The following DCDC1 variants were observed in gnomAD, a reference collection of about 807,000 sequenced individuals.
DCDC1 encodes the protein doublecortin domain-containing protein 1.
DCDC1 carries 200 observed loss-of-function variants against 178.3 expected under a neutral mutation model. That is an observed-to-expected ratio of 1.12 (90% CI 1.00 to 1.26). The LOEUF is 1.26. Ranked by LOEUF, DCDC1 falls within the 50% of genes most tolerant of loss-of-function variation. The pLI, the probability that DCDC1 is intolerant of heterozygous loss-of-function variation, is 0.00. For missense variants in DCDC1, 1,983 were observed against 1,749.2 expected (o/e 1.13, Z -2.38); for synonymous variants, 690 against 604.8 (o/e 1.14, Z -2.07).
In DCDC1 at chr11:31,037,428, CTTTCT is replaced by C. The variant is rs1199239419; in HGVS notation, c.2591+27036_2591+27040del. ...AAAATTGGCCTGCCTCTAAATATTTCTTTCTTTTTTTTTTTTTTTTTTGAGAAGGA... is the reference window on the plus strand; with the variant it reads ...AAAATTGGCCTGCCTCTAAATATTTCTTTTTTTTTTTTTTTTTGAGAAGGA... On this transcript the variant is annotated intron_variant, in intron 20 of 38. Transcript: ENST00000684477. Among the ~76,000 whole-genome samples, 113 of 44,892 alleles carry C rather than the reference CTTTCT, an allele frequency of 2.5e-3. 2 individuals carry two copies. The highest frequency in any genetic ancestry group is 0.023 in the Middle Eastern group (1 of 44). 29.5% of individuals were successfully genotyped at this position (44,892 alleles called of 152,430 possible). A position where few individuals can be genotyped will look rare whatever the true frequency, so the allele number is the denominator to read the frequency against.
rs535595992 is a variant in DCDC1, at chr11:31,274,559, T to C, written c.961-8959A>G. Among the ~76,000 whole-genome samples, 8 of 151,358 alleles carry C rather than the reference T, an allele frequency of 5.3e-5. No homozygotes were observed. In the South Asian group the frequency reaches 8.6e-4, roughly 16 times the overall value. ...GAACATAGCATATGAAAAGGCTCCA[T>C]GGCAGAGCAAGCAGGATGTATTCCA... On this transcript the variant is annotated intron_variant, in intron 7 of 38. Coordinates refer to ENST00000684477, the MANE Select transcript of DCDC1 (RefSeq NM_001387274.1).
At chr11:31,290,556 G>T in intron 7 of DCDC1, 91 bp downstream of exon 7, 1 of 1,277,552 alleles carries the variant, frequency 7.8e-7, no homozygotes, top group Non-Finnish European at 1.1e-6. Context: ...CTATTTGTTG[G>T]CATCGATATT....
chr11:31,101,640 A>C (rs537307070), intron 15 of DCDC1, among the ~76,000 whole-genome samples: 1 of 152,358 alleles, frequency 6.6e-6, no homozygotes, highest in South Asian at 2.1e-4. Context: ...ATCAGGTATA[A>C]GTTTTTCAAG....
intron 26 of DCDC1, among the ~76,000 whole-genome samples, chr11:30,916,340 A>C (rs891296240): frequency 4.6e-5 from 7 of 152,348 alleles, no homozygotes; most frequent in Admixed American, 4.6e-4. Context: ...GCCTAGTGCT[A>C]AATGTTGAAG....
intron 6 of DCDC1, among the ~76,000 whole-genome samples, chr11:31,303,511 CAG>C (rs1209572447): frequency 6.6e-6 from 1 of 152,026 alleles, no homozygotes; most frequent in Non-Finnish European, 1.5e-5. Flanking sequence ...ATCTGTAAAA[CAG>C]ATGACAGAAA....
intron 9 of DCDC1, among the ~76,000 whole-genome samples, chr11:31,153,723 C>T (rs914189630): frequency 4.0e-5 from 6 of 150,912 alleles, no homozygotes; most frequent in African/African-American, 1.5e-4. Context: ...GCAGAGGTTG[C>T]AGTGTGCTGA....
intron 8 of DCDC1, among the ~76,000 whole-genome samples, chr11:31,252,507 A>G (rs1398551894): frequency 2.6e-5 from 4 of 152,124 alleles, no homozygotes; most frequent in East Asian, 1.9e-4. Context: ...TAATAATGCA[A>G]TTTTAGGTAA....
At chr11:30,876,465 C>T (rs896610702) in intron 38 of DCDC1, among the ~76,000 whole-genome samples, 3 of 152,176 alleles carry the variant, frequency 2.0e-5, no homozygotes, top group African/African-American at 7.2e-5. Context: ...ATACCCAGGG[C>T]TAGCTGTCAT....
intron 20 of DCDC1, among the ~76,000 whole-genome samples, chr11:31,021,513 A>G (rs1378779051): frequency 6.6e-6 from 1 of 152,150 alleles, no homozygotes; most frequent in Non-Finnish European, 1.5e-5. Flanking sequence ...TGCAAAGGGA[A>G]TGAATGGGAA....
At chr11:31,192,021 T>G in intron 9 of DCDC1, among the ~76,000 whole-genome samples, 1 of 152,190 alleles carries the variant, frequency 6.6e-6, no homozygotes, top group South Asian at 2.1e-4. Context: ...AATGGCACAA[T>G]CTTATCATAC....
At chr11:31,070,490 C>T (rs1370415772) in intron 18 of DCDC1, among the ~76,000 whole-genome samples, 4 of 152,140 alleles carry the variant, frequency 2.6e-5, no homozygotes, top group Non-Finnish European at 5.9e-5. Context: ...AAGCCCATCT[C>T]TAATCACATA....
At chr11:30,867,379 G>T (rs77428347) in intron 38 of DCDC1, among the ~76,000 whole-genome samples, 1,836 of 152,280 alleles carry the variant, frequency 0.012, 30 homozygotes, top group African/African-American at 0.041. Flanking sequence ...TCTGTAAAAT[G>T]TAAAAGTAGT....
chr11:31,196,757 A>G (rs771965988), intron 9 of DCDC1, among the ~76,000 whole-genome samples: 8 of 152,042 alleles, frequency 5.3e-5, no homozygotes, highest in Non-Finnish European at 1.2e-4. Flanking sequence ...TTCTTTACAT[A>G]GGCATGTTGG....
chr11:31,268,299 A>G (rs1353796747), intron 7 of DCDC1, among the ~76,000 whole-genome samples: 1 of 152,200 alleles, frequency 6.6e-6, no homozygotes, highest in Non-Finnish European at 1.5e-5. Context: ...CATTTACTTC[A>G]ACCAAAATTT....
At chr11:31,341,393 A>AGATT (rs1485639975) in intron 1 of DCDC1, among the ~76,000 whole-genome samples, 2 of 132,826 alleles carry the variant, frequency 1.5e-5, no homozygotes, top group African/African-American at 5.7e-5. Flanking sequence ...ATAGATAGAT[A>AGATT]GATAGATAGA....
At chr11:31,084,924 G>A (rs1957381027) in intron 17 of DCDC1, among the ~76,000 whole-genome samples, 2 of 146,804 alleles carry the variant, frequency 1.4e-5, no homozygotes, top group Non-Finnish European at 3.0e-5. Flanking sequence ...TAGCCTCAAT[G>A]GGCTAAGACC....
At chr11:31,222,756 A>G (rs896144878) in intron 9 of DCDC1, among the ~76,000 whole-genome samples, 2 of 152,060 alleles carry the variant, frequency 1.3e-5, no homozygotes, top group African/African-American at 2.4e-5. Context: ...GAGAGAGTGT[A>G]TGCTCTCTGG....
intron 20 of DCDC1, among the ~76,000 whole-genome samples, chr11:30,992,999 T>C (rs1184143511): frequency 1.3e-5 from 2 of 152,118 alleles, no homozygotes; most frequent in Admixed American, 6.6e-5. Context: ...TTAATTTTGA[T>C]TTTCAATCAT....
chr11:31,037,467 C>G (rs1456305593), intron 20 of DCDC1, among the ~76,000 whole-genome samples: 1 of 145,756 alleles, frequency 6.9e-6, no homozygotes, highest in Non-Finnish European at 1.5e-5. Flanking sequence ...GAGTCTCGCT[C>G]TGTCACCCAG....
Sources: gnomAD v4.1 joint callset for allele counts (sites outside exome capture counted in the v4.1 genomes callset) on GRCh38, gnomAD v4.1.1 for gene constraint, MANE v1.5 for transcripts, NCBI Gene and HGNC (gene_info 2026-07-23, HGNC 2026-07-21) for gene names.